Variants in PAK3 observed in about 807,000 individuals in gnomAD.
PAK3 encodes p21 (RAC1) activated kinase 3.
A neutral mutation model predicts 41.0 loss-of-function variants in PAK3; 4 were observed. The observed-to-expected ratio is 0.10, with a 90% CI of 0.05 to 0.22. PAK3 has a LOEUF of 0.22. Among genes scored for constraint, PAK3 ranks in the 10% least tolerant of loss-of-function variants. PAK3 has a pLI of 1.00. For missense variants in PAK3, 205 were observed against 409.9 expected, an observed-to-expected ratio of 0.50 and a Z score of 4.32; for synonymous variants, 146 against 139.6, an observed-to-expected ratio of 1.05 and a Z score of -0.32.
chrX:111,103,952 G>C (rs2093199513), intron 4 of PAK3, among the ~76,000 whole-genome samples: 1 of 111,639 alleles, frequency 9.0e-6, no homozygotes, highest in Admixed American at 9.5e-5. Flanking sequence ...ATGGTTTCTG[G>C]AGTATTCATC....
chrX:111,158,861 TAA>T (rs1476267391), intron 8 of PAK3, among the ~76,000 whole-genome samples: 1 of 111,570 alleles, frequency 9.0e-6, no homozygotes, highest in Non-Finnish European at 1.9e-5. Context: ...AGTGAAGTAT[TAA>T]GACTTGAAAT....
rs1009684436 is a variant in PAK3, at chrX:111,224,246, A to T, written c.*3799A>T. 3.6e-5 allele frequency: 4 copies of T among 111,829 alleles called. No homozygotes were observed. The highest frequency in any genetic ancestry group is 1.3e-4 in the African/African-American group (4 of 30,756). The allele number at this position is 111,829 out of a possible 1,213,427, so 9.2% of individuals were successfully genotyped here. ...CAAACACACTCTTCTGCTTTAAAAC[A>T]GGTTGTCTGCCCTCTGCTTTGGTAT... On this transcript the variant is annotated 3_prime_UTR_variant, in exon 18 of 18. Coordinates refer to ENST00000372007, the MANE Select transcript of PAK3 (RefSeq NM_002578.5).
At position 111,224,261 on chromosome X, in the gene PAK3, T is replaced by C. The variant is rs1044108302; in HGVS notation, c.*3814T>C. The C allele has an allele frequency of 1.1e-4, 12 of 111,821 alleles. No individual in the cohort carries two copies. Among genetic ancestry groups the C allele is most frequent in the Admixed American group, 5.7e-4 (6 of 10,554 alleles). 9.2% of individuals were successfully genotyped at this position (111,821 alleles called of 1,213,427 possible). On this transcript the variant is annotated 3_prime_UTR_variant, in exon 18 of 18. Coordinates refer to ENST00000372007, the MANE Select transcript of PAK3 (RefSeq NM_002578.5). ...GCTTTAAAACAGGTTGTCTGCCCTC[T>C]GCTTTGGTATGGCATTCGGGTGTCT...
intron 1 of PAK3, among the ~76,000 whole-genome samples, chrX:111,030,069 G>A (rs189539663): frequency 8.9e-6 from 1 of 112,035 alleles, no homozygotes; most frequent in East Asian, 2.8e-4. Flanking sequence ...TCTCTCAACT[G>A]TGAATGGTGC....
chrX:110,967,957 C>T (rs1473272014), intron 1 of PAK3, among the ~76,000 whole-genome samples: 1 of 112,257 alleles, frequency 8.9e-6, no homozygotes, highest in Non-Finnish European at 1.9e-5. Context: ...AGATCTCCCT[C>T]GTCACATACT....
At chrX:111,052,134 T>C (rs1035327016) in intron 1 of PAK3, among the ~76,000 whole-genome samples, 4 of 112,134 alleles carry the variant, frequency 3.6e-5, no homozygotes, top group African/African-American at 9.7e-5. Context: ...ATTCAGAAAC[T>C]ATAGCCATGT....
intron 6 of PAK3, among the ~76,000 whole-genome samples, chrX:111,147,055 G>T (rs965104514): frequency 9.0e-6 from 1 of 110,920 alleles, no homozygotes; most frequent in African/African-American, 3.3e-5. Context: ...GAGGAAGGGA[G>T]AGAGAGAGGA....
intron 1 of PAK3, among the ~76,000 whole-genome samples, chrX:111,029,118 A>G (rs189518092): frequency 8.9e-6 from 1 of 112,023 alleles, no homozygotes; most frequent in Non-Finnish European, 1.9e-5. Context: ...GCCTGGTAAC[A>G]GAGCAAGACC....
chrX:111,160,641 G>A (rs375150575), intron 8 of PAK3, among the ~76,000 whole-genome samples: 2,554 of 77,773 alleles, frequency 0.033, 35 homozygotes, highest in Middle Eastern at 0.058. Context: ...AACAGTCCCC[G>A]GTGTGTGATG....
At chrX:111,032,584 A>G (rs1460311960) in intron 1 of PAK3, among the ~76,000 whole-genome samples, 1 of 111,677 alleles carries the variant, frequency 9.0e-6, no homozygotes, top group East Asian at 2.8e-4. Flanking sequence ...AGATAATGAA[A>G]AACAAAACGA....
intron 1 of PAK3, among the ~76,000 whole-genome samples, chrX:111,026,618 C>T (rs962383547): frequency 9.0e-6 from 1 of 111,087 alleles, no homozygotes; most frequent in Admixed American, 9.6e-5. Flanking sequence ...TGAAAGACCT[C>T]TACAAAGAAA....
intron 1 of PAK3, among the ~76,000 whole-genome samples, chrX:111,046,990 G>A (rs1322663744): frequency 8.9e-6 from 1 of 111,828 alleles, no homozygotes; most frequent in Non-Finnish European, 1.9e-5. Flanking sequence ...ATATAAGGAG[G>A]TGGGAGCTCA....
At chrX:111,100,257 T>C (rs1483705809) in intron 3 of PAK3, among the ~76,000 whole-genome samples, 1 of 111,221 alleles carries the variant, frequency 9.0e-6, no homozygotes. Flanking sequence ...TTAGGGCGTA[T>C]ATCCTTCTCC....
At chrX:111,217,263 G>A (rs1035741035) in intron 17 of PAK3, among the ~76,000 whole-genome samples, 2 of 111,804 alleles carry the variant, frequency 1.8e-5, no homozygotes, top group South Asian at 3.8e-4. Flanking sequence ...TCCACCACAC[G>A]TCACACACAA....
intron 1 of PAK3, among the ~76,000 whole-genome samples, chrX:111,079,664 C>A (rs942047131): frequency 8.9e-6 from 1 of 112,322 alleles, no homozygotes; most frequent in African/African-American, 3.2e-5. Flanking sequence ...TCAAGTCTTA[C>A]TGTTTAAGAA....
At chrX:110,953,303 T>C (rs2090784871) in intron 1 of PAK3, among the ~76,000 whole-genome samples, 1 of 111,541 alleles carries the variant, frequency 9.0e-6, no homozygotes, top group Non-Finnish European at 1.9e-5. Context: ...ATTAATTAGT[T>C]GTGTGACCCT....
At chrX:111,066,460 T>G (rs2092702265) in intron 1 of PAK3, among the ~76,000 whole-genome samples, 1 of 112,257 alleles carries the variant, frequency 8.9e-6, no homozygotes, top group African/African-American at 3.2e-5. Flanking sequence ...TTTTAAAAAT[T>G]TATTGACACT....
chrX:111,181,746 T>G (rs1244563732), intron 11 of PAK3, among the ~76,000 whole-genome samples: 1 of 109,560 alleles, frequency 9.1e-6, no homozygotes, highest in Non-Finnish European at 1.9e-5. Flanking sequence ...TTTTTTTTTT[T>G]TTTTGGTTGT....
intron 1 of PAK3, among the ~76,000 whole-genome samples, chrX:111,001,923 A>G (rs1248823762): frequency 9.1e-6 from 1 of 110,024 alleles, no homozygotes; most frequent in East Asian, 2.8e-4. Context: ...AGTCCACACA[A>G]GAGTGCTTAA....
Sources: gnomAD v4.1 joint callset for allele counts (sites outside exome capture counted in the v4.1 genomes callset) on GRCh38, gnomAD v4.1.1 for gene constraint, MANE v1.5 for transcripts, NCBI Gene and HGNC (gene_info 2026-07-23, HGNC 2026-07-21) for gene names.